Variants in KLF9 observed in about 807,000 individuals in gnomAD.
KLF9 encodes KLF transcription factor 9, also known as Krueppel-like factor 9.
KLF9 carries 2 observed loss-of-function variants against 17.3 expected under a neutral mutation model. The observed-to-expected ratio is 0.12, with a 90% CI of 0.05 to 0.36. The LOEUF (loss-of-function observed/expected upper bound fraction) is 0.36, where lower values mean the gene tolerates loss of function less well. Ranked by LOEUF, KLF9 falls within the 10% of genes least tolerant of loss-of-function variation. KLF9 has a pLI of 1.00. For synonymous variants in KLF9, 138 were observed against 139.2 expected (o/e 0.99, Z 0.06); for missense variants, 226 against 333.2 (o/e 0.68, Z 2.51).
At chr9:70,412,733 A>C in intron 1 of KLF9, 126 bp downstream of exon 1, 2 of 896,648 alleles carry the variant, frequency 2.2e-6, no homozygotes, top group East Asian at 5.0e-5. Context: ...TAAAGAGTTA[A>C]ACCGCATCTT....
chr9:70,390,316 G>A (rs185284667), intron 1 of KLF9, among the ~76,000 whole-genome samples: 75 of 152,164 alleles, frequency 4.9e-4, no homozygotes, highest in Non-Finnish European at 8.7e-4. Context: ...GCAAACCAAT[G>A]AATGCTGGGC....
At chr9:70,409,068 A>G (rs370761545) in intron 1 of KLF9, among the ~76,000 whole-genome samples, 5 of 69,082 alleles carry the variant, frequency 7.2e-5, no homozygotes, top group South Asian at 4.9e-4. Context: ...GTGTATATAT[A>G]TGTGTATATA....
chr9:70,412,811 A>C, intron 1 of KLF9, 48 bp downstream of exon 1: 1 of 1,517,842 alleles, frequency 6.6e-7, no homozygotes, highest in Non-Finnish European at 8.8e-7. Context: ...TGCCTGGCCA[A>C]AGGTTAACTA....
At chr9:70,401,702 A>G (rs1243200062) in intron 1 of KLF9, among the ~76,000 whole-genome samples, 8 of 149,378 alleles carry the variant, frequency 5.4e-5, no homozygotes, top group South Asian at 2.1e-4. Context: ...AAAAAAAAAA[A>G]AAAGAAAAGA....
intron 1 of KLF9, among the ~76,000 whole-genome samples, chr9:70,395,117 G>A (rs1386650703): frequency 3.9e-5 from 6 of 152,292 alleles, no homozygotes; most frequent in African/African-American, 1.4e-4. Flanking sequence ...TAGTGAGATA[G>A]CAGCACAGGA....
chr9:70,404,034 C>T (rs28404495), intron 1 of KLF9, among the ~76,000 whole-genome samples: 19,792 of 152,114 alleles, frequency 0.13, 1,333 homozygotes, highest in African/African-American at 0.16. Flanking sequence ...CACCTAGAGA[C>T]AGACTAGGAA....
intron 1 of KLF9, among the ~76,000 whole-genome samples, chr9:70,411,609 T>TTACG (rs2037314024): frequency 6.6e-6 from 1 of 152,170 alleles, no homozygotes; most frequent in Admixed American, 6.5e-5. Flanking sequence ...TGAGAAGCAG[T>TTACG]TACGTGGCCT....
At chr9:70,408,913 A>C (rs946218675) in intron 1 of KLF9, among the ~76,000 whole-genome samples, 6 of 149,070 alleles carry the variant, frequency 4.0e-5, no homozygotes, top group African/African-American at 1.5e-4. Flanking sequence ...GAGGCTAAGG[A>C]GCAGAAGCCG....
In KLF9 at chr9:70,409,260, G is replaced by C. The variant is rs150165960; in HGVS notation, c.505+3599C>G. Among the ~76,000 whole-genome samples, 32 of 142,772 alleles carry C rather than the reference G, an allele frequency of 2.2e-4. No homozygotes were observed. In the East Asian group the frequency reaches 6.4e-3, roughly 29 times the overall value. 93.7% of individuals were successfully genotyped at this position (142,772 alleles called of 152,430 possible). A position where few individuals can be genotyped will look rare whatever the true frequency, so the allele number is the denominator to read the frequency against. Reference sequence around the variant, plus strand: ...GAAAAATATTTTTTCATAGAACTGGGGTGTCATGGTTGGAATTTGGGGTTT... The same window carrying C: ...GAAAAATATTTTTTCATAGAACTGGCGTGTCATGGTTGGAATTTGGGGTTT... On this transcript the variant is annotated intron_variant, in intron 1 of 1. Coordinates refer to ENST00000377126, the MANE Select transcript of KLF9 (RefSeq NM_001206.4).
chr9:70,397,335 C>T (rs1401836294), intron 1 of KLF9, among the ~76,000 whole-genome samples: 1 of 151,996 alleles, frequency 6.6e-6, no homozygotes, highest in Non-Finnish European at 1.5e-5. Flanking sequence ...ATTAGCCAGG[C>T]ATGGTGGCAC....
intron 1 of KLF9, among the ~76,000 whole-genome samples, chr9:70,400,188 G>C (rs2037211875): frequency 6.6e-6 from 1 of 152,148 alleles, no homozygotes; most frequent in Non-Finnish European, 1.5e-5. Flanking sequence ...TAAAGTGCAG[G>C]GTGGGGAAAA....
chr9:70,409,135 C>CATACATATGTGT, intron 1 of KLF9, among the ~76,000 whole-genome samples: 1 of 48,968 alleles, frequency 2.0e-5, no homozygotes, highest in African/African-American at 4.9e-5. Flanking sequence ...TATATGTATA[C>CATACATATGTGT]ATATATATGT....
In KLF9 at chr9:70,413,519, G is replaced by A. The variant is rs937048656; in HGVS notation, c.-156C>T. 3 of 680,612 alleles carry A rather than the reference G, an allele frequency of 4.4e-6. No individual in the cohort carries two copies. The African/African-American group carries it at 5.7e-5, about 13-fold the overall frequency. 42.2% of individuals were successfully genotyped at this position (680,612 alleles called of 1,614,324 possible). A position where few individuals can be genotyped will look rare whatever the true frequency, so the allele number is the denominator to read the frequency against. Reference sequence around the variant, plus strand: ...GGGCGCGGGGCGCTTCCGACTCGCAGGAGCGCCGAGGCGACCTCAGCCCCT... The same window carrying A: ...GGGCGCGGGGCGCTTCCGACTCGCAAGAGCGCCGAGGCGACCTCAGCCCCT... On this transcript the variant is annotated 5_prime_UTR_variant, in exon 1 of 2. Coordinates refer to ENST00000377126, the MANE Select transcript of KLF9 (RefSeq NM_001206.4). The surrounding 1 kb of genome is among the most constrained non-coding windows in gnomAD (Gnocchi z 5.6).
At chr9:70,405,698 A>G (rs1469645060) in intron 1 of KLF9, among the ~76,000 whole-genome samples, 11 of 152,138 alleles carry the variant, frequency 7.2e-5, no homozygotes, top group Admixed American at 7.2e-4. Context: ...CGGGCACACC[A>G]TCAAAAAGGC....
intron 1 of KLF9, among the ~76,000 whole-genome samples, chr9:70,394,927 G>A (rs570438320): frequency 6.6e-6 from 1 of 152,086 alleles, no homozygotes; most frequent in African/African-American, 2.4e-5. Context: ...ATTCATCTAC[G>A]GAATTAACAC....
chr9:70,411,948 C>T (rs950792474), intron 1 of KLF9, among the ~76,000 whole-genome samples: 1 of 152,082 alleles, frequency 6.6e-6, no homozygotes, highest in South Asian at 2.1e-4. Context: ...ACACAACCAA[C>T]AGAATTGGAT....
chr9:70,398,614 A>G (rs2037199264), intron 1 of KLF9, among the ~76,000 whole-genome samples: 1 of 150,796 alleles, frequency 6.6e-6, no homozygotes, highest in African/African-American at 2.4e-5. Context: ...TCAGTCTCCC[A>G]AGTAGCTGGG....
intron 1 of KLF9, among the ~76,000 whole-genome samples, chr9:70,393,244 G>A (rs2037163067): frequency 6.6e-6 from 1 of 152,248 alleles, no homozygotes; most frequent in Non-Finnish European, 1.5e-5. Context: ...CCCTGGCTAT[G>A]TGCTTGCCTA....
intron 1 of KLF9, among the ~76,000 whole-genome samples, chr9:70,388,441 G>T: frequency 6.6e-6 from 1 of 152,138 alleles, no homozygotes; most frequent in Middle Eastern, 3.2e-3. Flanking sequence ...AAGTTCTGTT[G>T]TTTCAGCCAC....
Sources: allele counts gnomAD v4.1 joint callset (sites outside exome capture counted in the v4.1 genomes callset), GRCh38; gene constraint gnomAD v4.1.1; non-coding constraint Gnocchi (gnomAD v3.1); transcripts MANE v1.5; gene names NCBI Gene and HGNC (gene_info 2026-07-23, HGNC 2026-07-21).